The following MNDA variants were observed in gnomAD, a reference collection of about 807,000 sequenced individuals.
The protein encoded by MNDA is epididymis secretory sperm binding protein.
A neutral mutation model predicts 37.8 loss-of-function variants in MNDA; 43 were observed. That is an observed-to-expected ratio of 1.14 (90% CI 0.89 to 1.47). The LOEUF (loss-of-function observed/expected upper bound fraction) is 1.47. MNDA is among the 40% of genes most tolerant of loss of function. MNDA has a pLI of 0.00. For missense variants in MNDA, 536 were observed against 476.0 expected, an observed-to-expected ratio of 1.13 and a Z score of -1.17; for synonymous variants, 181 against 169.0, an observed-to-expected ratio of 1.07 and a Z score of -0.55.
chr1:158,846,534 C>A (rs1659137121), intron 5 of MNDA, among the ~76,000 whole-genome samples: 1 of 151,896 alleles, frequency 6.6e-6, no homozygotes, highest in Non-Finnish European at 1.5e-5. Context: ...TTTATTTATT[C>A]ATTTATTTAT....
chr1:158,835,436 T>G (rs746540583), intron 1 of MNDA, among the ~76,000 whole-genome samples: 13 of 152,158 alleles, frequency 8.5e-5, no homozygotes, highest in Non-Finnish European at 1.6e-4. Flanking sequence ...ACAACTGATT[T>G]GTATGTGTTG....
chr1:158,835,825 T>C (rs967952946), intron 1 of MNDA, among the ~76,000 whole-genome samples: 3 of 152,028 alleles, frequency 2.0e-5, no homozygotes, highest in Non-Finnish European at 4.4e-5. Flanking sequence ...TGAGTGTTTC[T>C]AACATGAAAG....
In MNDA at chr1:158,842,287, G is replaced by C; in HGVS notation, c.134G>C (p.Arg45Thr). 6.2e-7 allele frequency: 1 copy of C among 1,614,114 alleles called. No individual in the cohort carries two copies. Among genetic ancestry groups the C allele is most frequent in the Non-Finnish European group, 8.5e-7 (1 of 1,179,996 alleles). Reference sequence around the variant, plus strand: ...ACAAAAATGCAAGAGGAATACAACAGAATTAAGATTACAGATTTGATGGAA... The same window carrying C: ...ACAAAAATGCAAGAGGAATACAACACAATTAAGATTACAGATTTGATGGAA... ...LTTKMQEEYN[R>T]IKITDLMEKK... The change falls in exon 2 of 7, where the codon AGA (arginine) becomes ACA (threonine). Residue 45 changes from arginine to threonine, a missense_variant. Transcript: ENST00000368141.
intron 6 of MNDA, 118 bp downstream of exon 6, chr1:158,848,034 C>T (rs1309045063): frequency 2.3e-6 from 2 of 873,352 alleles, no homozygotes; most frequent in Non-Finnish European, 1.8e-6. Context: ...GAAGGAGAAC[C>T]TAAACAATGC....
At chr1:158,845,394 C>G (rs781431018) in intron 4 of MNDA, among the ~76,000 whole-genome samples, 193 bp from the exon 5 acceptor site, 1 of 152,086 alleles carries the variant, frequency 6.6e-6, no homozygotes, top group Non-Finnish European at 1.5e-5. Flanking sequence ...CCCGCTACAA[C>G]GCCCGGCTAG....
At chr1:158,831,703 A>G (rs1240592962) in intron 1 of MNDA, 146 bp downstream of exon 1, 1 of 152,208 alleles carries the variant, frequency 6.6e-6, no homozygotes, top group Non-Finnish European at 1.5e-5. Context: ...TTAACTGTCT[A>G]GGTAGCAAAT....
At chr1:158,842,586 G>A in intron 2 of MNDA, 168 bp downstream of exon 2, 1 of 601,290 alleles carries the variant, frequency 1.7e-6, no homozygotes, top group Non-Finnish European at 2.9e-6. Context: ...AGAACATTCT[G>A]TTTCATATGA....
intron 2 of MNDA, 51 bp from the exon 3 acceptor site, chr1:158,843,228 T>A: frequency 6.5e-7 from 1 of 1,546,884 alleles, no homozygotes; most frequent in Non-Finnish European, 8.7e-7. Context: ...CTGTCTTAGA[T>A]AAGCTATTCC....
chr1:158,842,497 C>A, intron 2 of MNDA, 79 bp downstream of exon 2: 1 of 1,441,616 alleles, frequency 6.9e-7, no homozygotes, highest in Non-Finnish European at 9.4e-7. Context: ...TTGGTCATAG[C>A]TGGTACATCC....
At chr1:158,832,606 T>C (rs1571648728) in intron 1 of MNDA, among the ~76,000 whole-genome samples, 1 of 151,372 alleles carries the variant, frequency 6.6e-6, no homozygotes, top group East Asian at 1.9e-4. Flanking sequence ...ATATTTATAA[T>C]ATAATTTAAA....
chr1:158,848,001 T>C (rs1034467198), intron 6 of MNDA, 85 bp downstream of exon 6: 47 of 1,266,930 alleles, frequency 3.7e-5, no homozygotes, highest in Non-Finnish European at 5.0e-5. Flanking sequence ...TCCTCATGTA[T>C]TACTCAGAGA....
intron 1 of MNDA, among the ~76,000 whole-genome samples, chr1:158,833,052 T>C (rs1246744734): frequency 6.6e-6 from 1 of 152,176 alleles, no homozygotes; most frequent in Non-Finnish European, 1.5e-5. Flanking sequence ...AACTCTCACA[T>C]CTTCTGGTCC....
At position 158,849,474 on chromosome 1, in the gene MNDA, C is replaced by T; in HGVS notation, c.*237C>T. The T allele has an allele frequency of 2.3e-6, 1 of 432,986 alleles. No individual in the cohort carries two copies. The highest frequency in any genetic ancestry group is 4.2e-6 in the Non-Finnish European group (1 of 240,576). The allele number at this position is 432,986 out of a possible 1,614,324, so 26.8% of individuals were successfully genotyped here. A position where few individuals can be genotyped will look rare whatever the true frequency, so the allele number is the denominator to read the frequency against. ...TTTTGCTTTTATGACATTCACGAGG[C>T]AAAAAATAAAATATCTTTTTTTGAA... On this transcript the variant is annotated 3_prime_UTR_variant, in exon 7 of 7. Transcript: ENST00000368141.
chr1:158,837,436 C>A (rs1052396848), intron 1 of MNDA, among the ~76,000 whole-genome samples: 4 of 151,636 alleles, frequency 2.6e-5, no homozygotes, highest in Admixed American at 6.6e-5. Context: ...GGTGAACTGG[C>A]CTTTTTAACA....
At chr1:158,848,714 C>T (rs547146837) in intron 6 of MNDA, among the ~76,000 whole-genome samples, 1 of 152,226 alleles carries the variant, frequency 6.6e-6, no homozygotes, top group South Asian at 2.1e-4. Flanking sequence ...AGTTGCATTA[C>T]AGAGCAATTA....
chr1:158,843,905 G>C (rs769883041), intron 3 of MNDA, 50 bp from the exon 4 acceptor site: 2 of 1,486,018 alleles, frequency 1.3e-6, no homozygotes, highest in East Asian at 2.3e-5. Context: ...AACTTGCTCT[G>C]CTTCTTTTGA....
chr1:158,833,487 C>T (rs1658845926), intron 1 of MNDA, among the ~76,000 whole-genome samples: 2 of 152,162 alleles, frequency 1.3e-5, no homozygotes, highest in Admixed American at 1.3e-4. Context: ...TTCACCATTC[C>T]CCTTTCCTCC....
At chr1:158,845,347 G>T (rs778544240) in intron 4 of MNDA, among the ~76,000 whole-genome samples, 2 of 151,972 alleles carry the variant, frequency 1.3e-5, no homozygotes, top group Non-Finnish European at 2.9e-5. Flanking sequence ...ATGCCATTCT[G>T]CTGCCTCAGC....
Sources: gnomAD v4.1 joint callset for allele counts (sites outside exome capture counted in the v4.1 genomes callset) on GRCh38, gnomAD v4.1.1 for gene constraint, MANE v1.5 for transcripts, NCBI Gene and HGNC (gene_info 2026-07-23, HGNC 2026-07-21) for gene names.